The following DTWD2 variants were observed in gnomAD, a reference collection of about 807,000 sequenced individuals.
DTWD2 encodes the protein tRNA-uridine aminocarboxypropyltransferase 2.
A neutral mutation model predicts 31.8 loss-of-function variants in DTWD2; 39 were observed. The observed-to-expected ratio is 1.22, with a 90% confidence interval of 0.95 to 1.60. The LOEUF is 1.60. Ranked by LOEUF, DTWD2 falls within the 40% of genes most tolerant of loss-of-function variation. The pLI, the probability that DTWD2 is intolerant of heterozygous loss-of-function variation, is 0.00. For synonymous variants in DTWD2, 180 were observed against 142.8 expected (o/e 1.26, Z -1.86); for missense variants, 515 against 381.5 (o/e 1.35, Z -2.92).
intron 1 of DTWD2, among the ~76,000 whole-genome samples, chr5:118,959,915 T>C (rs898960554): frequency 7.2e-5 from 11 of 152,152 alleles, no homozygotes; most frequent in African/African-American, 1.9e-4. Context: ...AAACTAGACC[T>C]CTTCCTTACA....
intron 1 of DTWD2, among the ~76,000 whole-genome samples, chr5:118,959,047 T>A (rs991699889): frequency 6.6e-5 from 10 of 152,080 alleles, no homozygotes; most frequent in Admixed American, 6.6e-4. Context: ...ACATGACAAG[T>A]CTGCTCACTC....
chr5:118,909,127 C>A (rs1014335684), intron 4 of DTWD2, among the ~76,000 whole-genome samples: 1 of 152,196 alleles, frequency 6.6e-6, no homozygotes, highest in African/African-American at 2.4e-5. Context: ...CAGTTATACT[C>A]CACCCAGATC....
intron 4 of DTWD2, among the ~76,000 whole-genome samples, chr5:118,900,783 G>A (rs1753187677): frequency 6.6e-6 from 1 of 152,106 alleles, no homozygotes; most frequent in African/African-American, 2.4e-5. Flanking sequence ...AAATTAGCCA[G>A]GCGTGGTGGC....
At chr5:118,859,130 T>C (rs1387433278) in intron 4 of DTWD2, among the ~76,000 whole-genome samples, 2 of 152,060 alleles carry the variant, frequency 1.3e-5, no homozygotes, top group Admixed American at 1.3e-4. Flanking sequence ...CTAAAACTAT[T>C]ATTTCAGCGG....
intron 1 of DTWD2, among the ~76,000 whole-genome samples, chr5:118,965,209 G>A (rs181100034): frequency 0.021 from 3,131 of 151,354 alleles, 49 homozygotes; most frequent in Non-Finnish European, 0.033. Flanking sequence ...CCCAGCAGCC[G>A]CCCCATCTGG....
intron 3 of DTWD2, among the ~76,000 whole-genome samples, chr5:118,933,826 T>C (rs1040062853): frequency 3.3e-5 from 5 of 151,286 alleles, no homozygotes; most frequent in South Asian, 4.2e-4. Flanking sequence ...CAAAACCATA[T>C]ATACTCCTCA....
chr5:118,931,783 A>C (rs557616414), intron 3 of DTWD2, among the ~76,000 whole-genome samples: 1 of 152,320 alleles, frequency 6.6e-6, no homozygotes, highest in East Asian at 1.9e-4. Context: ...AACAAAATAC[A>C]CATTCTTCTC....
At chr5:118,901,099 T>C (rs1407444197) in intron 4 of DTWD2, among the ~76,000 whole-genome samples, 1 of 152,056 alleles carries the variant, frequency 6.6e-6, no homozygotes. Context: ...GTGAATATAA[T>C]TACATTTATA....
At chr5:118,853,067 G>A (rs913663745) in intron 4 of DTWD2, among the ~76,000 whole-genome samples, 105 of 152,246 alleles carry the variant, frequency 6.9e-4, no homozygotes, top group African/African-American at 2.4e-3. Flanking sequence ...CTAGAGAGAG[G>A]AGAGAGGAAG....
intron 1 of DTWD2, among the ~76,000 whole-genome samples, chr5:118,975,088 A>C (rs1755119506): frequency 6.6e-6 from 1 of 152,078 alleles, no homozygotes; most frequent in Admixed American, 6.6e-5. Flanking sequence ...TAGGTTGGGG[A>C]AGTTCTCCTG....
chr5:118,936,878 T>A (rs1488107500), intron 3 of DTWD2, among the ~76,000 whole-genome samples: 9 of 152,010 alleles, frequency 5.9e-5, no homozygotes, highest in Non-Finnish European at 2.9e-5. Flanking sequence ...ACAAATTACC[T>A]AAATCAGGAA....
At chr5:118,985,119 G>A (rs892426518) in intron 1 of DTWD2, among the ~76,000 whole-genome samples, 6 of 151,808 alleles carry the variant, frequency 4.0e-5, no homozygotes, top group East Asian at 1.9e-4. Flanking sequence ...CTGCAGCCTC[G>A]TCTCTCACCA....
At chr5:118,945,324 T>C (rs901121844) in intron 1 of DTWD2, among the ~76,000 whole-genome samples, 7 of 151,962 alleles carry the variant, frequency 4.6e-5, no homozygotes, top group South Asian at 2.1e-4. Flanking sequence ...TTAAAGGCTA[T>C]ACCTCCTATC....
intron 4 of DTWD2, among the ~76,000 whole-genome samples, chr5:118,865,485 A>G (rs1752362240): frequency 6.6e-6 from 1 of 152,192 alleles, no homozygotes; most frequent in Admixed American, 6.5e-5. Flanking sequence ...AAATACATAC[A>G]TATTTGAAAA....
intron 1 of DTWD2, among the ~76,000 whole-genome samples, chr5:118,945,672 G>A (rs1754318199): frequency 6.6e-6 from 1 of 151,824 alleles, no homozygotes; most frequent in Non-Finnish European, 1.5e-5. Flanking sequence ...AGTTGAGGTA[G>A]GAGAGTTGCT....
intron 4 of DTWD2, among the ~76,000 whole-genome samples, chr5:118,870,527 C>T (rs1013346963): frequency 1.1e-4 from 17 of 152,130 alleles, no homozygotes; most frequent in African/African-American, 3.1e-4. Flanking sequence ...AAAAGTTTTG[C>T]AGTCTATTAG....
intron 4 of DTWD2, among the ~76,000 whole-genome samples, chr5:118,849,850 G>A (rs978310036): frequency 6.6e-6 from 1 of 152,002 alleles, no homozygotes; most frequent in Non-Finnish European, 1.5e-5. Flanking sequence ...CATCAGGAGG[G>A]GAACATCACA....
chr5:118,936,167 A>C (rs1228187049), intron 3 of DTWD2, among the ~76,000 whole-genome samples: 1 of 152,224 alleles, frequency 6.6e-6, no homozygotes, highest in African/African-American at 2.4e-5. Flanking sequence ...CACAAAAGTA[A>C]TTTTAAAATA....
intron 4 of DTWD2, among the ~76,000 whole-genome samples, chr5:118,926,056 G>A (rs1052814392): frequency 2.6e-5 from 4 of 151,946 alleles, no homozygotes; most frequent in African/African-American, 4.8e-5. Context: ...AACACAGTGG[G>A]ACCTCATTTC....
Sources: allele counts gnomAD v4.1 joint callset (sites outside exome capture counted in the v4.1 genomes callset), GRCh38; gene constraint gnomAD v4.1.1; transcripts MANE v1.5; gene names NCBI Gene and HGNC (gene_info 2026-07-23, HGNC 2026-07-21).